The following SMIM45 variants were observed in gnomAD, a reference collection of about 807,000 sequenced individuals.
SMIM45 encodes the protein long intergenic non-protein coding RNA 634.
At chr22:41,953,815 G>C in the SMIM45 span, among the ~76,000 whole-genome samples, 1 of 135,632 alleles carries the variant, frequency 7.4e-6, no homozygotes, top group African/African-American at 2.6e-5. Flanking sequence ...CAGTGGCGCC[G>C]TCTCGGCTCA....
chr22:41,947,076 T>C, the SMIM45 span: 1 of 1,612,722 alleles, frequency 6.2e-7, no homozygotes, highest in Non-Finnish European at 8.5e-7. Flanking sequence ...AACACCGACA[T>C]CACAGCCGCA....
the SMIM45 span, among the ~76,000 whole-genome samples, chr22:41,956,114 ATCCT>A: frequency 3.3e-5 from 5 of 151,272 alleles, no homozygotes; most frequent in Admixed American, 3.3e-4. Flanking sequence ...GACTTAGGTG[ATCCT>A]TCCACCTCAG....
At chr22:41,955,805 C>CAAAA in the SMIM45 span, among the ~76,000 whole-genome samples, 22 of 104,336 alleles carry the variant, frequency 2.1e-4, no homozygotes, top group African/African-American at 6.7e-4. Flanking sequence ...GACTCCGTCT[C>CAAAA]AAAAAAAAAA....
the SMIM45 span, among the ~76,000 whole-genome samples, chr22:41,953,462 C>T: frequency 1.3e-5 from 2 of 152,198 alleles, no homozygotes; most frequent in Non-Finnish European, 2.9e-5. Flanking sequence ...TGGGGTTTGG[C>T]GTCTAGCTCT....
At chr22:41,947,137 G>C in the SMIM45 span, 122 of 1,557,708 alleles carry the variant, frequency 7.8e-5, no homozygotes, top group Non-Finnish European at 1.0e-4. Context: ...ACCGCCCTGA[G>C]TCCAGCCCCT....
the SMIM45 span, among the ~76,000 whole-genome samples, chr22:41,957,360 AT>A: frequency 0.53 from 73,901 of 138,992 alleles, 22,124 homozygotes; most frequent in East Asian, 0.93. Context: ...CGCCCGGCTA[AT>A]TTTTTTTTTT....
At chr22:41,958,221 C>G in the SMIM45 span, 1,580 of 444,464 alleles carry the variant, frequency 3.6e-3, 15 homozygotes, top group Middle Eastern at 0.024. Context: ...TCAGGCATGT[C>G]TATGGCTGCC....
the SMIM45 span, among the ~76,000 whole-genome samples, chr22:41,953,752 T>TG: frequency 3.6e-5 from 3 of 82,646 alleles, no homozygotes; most frequent in Admixed American, 1.4e-4. Flanking sequence ...TTTTTTTTTT[T>TG]TTTTTTTTTT....
the SMIM45 span, among the ~76,000 whole-genome samples, chr22:41,951,388 G>A: frequency 6.6e-6 from 1 of 152,222 alleles, no homozygotes; most frequent in Admixed American, 6.5e-5. Context: ...GAGAAGCTGA[G>A]GGCTCTGGGA....
the SMIM45 span, among the ~76,000 whole-genome samples, chr22:41,949,813 C>T: frequency 6.6e-6 from 1 of 152,226 alleles, no homozygotes; most frequent in South Asian, 2.1e-4. Context: ...GGGGAGCCTG[C>T]ACTCCACTTC....
At chr22:41,947,125 A>C in the SMIM45 span, 3 of 1,592,478 alleles carry the variant, frequency 1.9e-6, no homozygotes, top group African/African-American at 4.0e-5. Flanking sequence ...CCGATCTTTC[A>C]AACCGCCCTG....
the SMIM45 span, chr22:41,958,283 G>A: frequency 4.4e-6 from 2 of 456,524 alleles, 1 homozygote; most frequent in South Asian, 3.1e-5. Flanking sequence ...CAGCTCCCCT[G>A]CCTCCACTCA....
the SMIM45 span, among the ~76,000 whole-genome samples, chr22:41,956,927 C>T: frequency 6.6e-6 from 1 of 152,124 alleles, no homozygotes; most frequent in African/African-American, 2.4e-5. Context: ...ATTACAGGTG[C>T]GTGCCATCAT....
the SMIM45 span, among the ~76,000 whole-genome samples, chr22:41,947,755 T>G: frequency 6.9e-6 from 1 of 144,568 alleles, no homozygotes. Context: ...AGCTTCAAAC[T>G]CCTGGGCTCA....
chr22:41,956,847 G>C, the SMIM45 span, among the ~76,000 whole-genome samples: 1 of 152,380 alleles, frequency 6.6e-6, no homozygotes, highest in African/African-American at 2.4e-5. Flanking sequence ...GGAGCACAGT[G>C]GCGCGATCTT....
At chr22:41,958,310 A>C in the SMIM45 span, 1 of 456,680 alleles carries the variant, frequency 2.2e-6, no homozygotes, top group Non-Finnish European at 4.4e-6. Context: ...CCGGCCCTGC[A>C]ACTTTAGGCA....
the SMIM45 span, among the ~76,000 whole-genome samples, chr22:41,950,400 A>G: frequency 2.6e-5 from 4 of 152,240 alleles, no homozygotes; most frequent in South Asian, 8.3e-4. Context: ...CCCACCCCAA[A>G]ATGTTAAAAA....
At chr22:41,954,396 G>A in the SMIM45 span, among the ~76,000 whole-genome samples, 27 of 151,888 alleles carry the variant, frequency 1.8e-4, no homozygotes, top group African/African-American at 6.5e-4. Flanking sequence ...TAGAAGAGAC[G>A]GGGTTTCTCC....
chr22:41,956,002 G>A, the SMIM45 span, among the ~76,000 whole-genome samples: 1 of 151,402 alleles, frequency 6.6e-6, no homozygotes, highest in South Asian at 2.1e-4. Flanking sequence ...CTATCACCTG[G>A]GTACTTGTTA....
Sources: gnomAD v4.1 joint callset for allele counts (sites outside exome capture counted in the v4.1 genomes callset) on GRCh38, gnomAD v4.1.1 for gene constraint, MANE v1.5 for transcripts, NCBI Gene and HGNC (gene_info 2026-07-23, HGNC 2026-07-21) for gene names.